Variants in CSMD1 observed in about 807,000 individuals in gnomAD.
CSMD1 encodes CUB and Sushi multiple domains 1, also known as CUB and sushi domain-containing protein 1.
In CSMD1, 213 loss-of-function variants were observed where a neutral mutation model predicts 417.5. The ratio of observed to expected loss-of-function variants is 0.51; its 90% confidence interval spans 0.46 to 0.57. The LOEUF is 0.57. Among genes scored for constraint, CSMD1 ranks in the 20% least tolerant of loss-of-function variants. The pLI, the probability that CSMD1 is intolerant of heterozygous loss-of-function variation, is 0.00. For missense variants in CSMD1, 6,923 were observed against 4,529.7 expected (o/e 1.53, Z -15.17); for synonymous variants, 2,862 against 1,736.8 (o/e 1.65, Z -16.11).
chr8:3,490,566 A>T (rs117098586), intron 11 of CSMD1, among the ~76,000 whole-genome samples: 2 of 152,174 alleles, frequency 1.3e-5, no homozygotes, highest in Non-Finnish European at 2.9e-5. Flanking sequence ...GAGTGTTTGC[A>T]TGCATTATTT....
At chr8:3,296,223 G>C (rs755285768) in intron 25 of CSMD1, among the ~76,000 whole-genome samples, 3 of 151,914 alleles carry the variant, frequency 2.0e-5, no homozygotes, top group Admixed American at 6.6e-5. Flanking sequence ...GCAGATTTTG[G>C]TGCAGCCTTG....
At chr8:4,805,187 G>C (rs75839198) in intron 1 of CSMD1, among the ~76,000 whole-genome samples, 3 of 152,166 alleles carry the variant, frequency 2.0e-5, no homozygotes, top group African/African-American at 7.2e-5. Context: ...TTTGTATAGA[G>C]AGATAATATC....
chr8:4,111,824 G>C (rs964118384), intron 3 of CSMD1, among the ~76,000 whole-genome samples: 4 of 152,132 alleles, frequency 2.6e-5, no homozygotes, highest in African/African-American at 9.7e-5. Context: ...TATGGGGCTT[G>C]AATCCTAGGT....
intron 52 of CSMD1, among the ~76,000 whole-genome samples, chr8:3,009,636 A>G (rs1345224217): frequency 6.6e-6 from 1 of 152,222 alleles, no homozygotes; most frequent in East Asian, 1.9e-4. Flanking sequence ...TTGAATATTG[A>G]TAACTGAGGT....
At chr8:4,140,805 G>A (rs36077441) in intron 3 of CSMD1, among the ~76,000 whole-genome samples, 45,212 of 150,422 alleles carry the variant, frequency 0.3, 8,445 homozygotes, top group Non-Finnish European at 0.39. Flanking sequence ...TTTTCTAAGC[G>A]TGTAAATGGG....
chr8:4,736,359 G>C (rs1050386244), intron 1 of CSMD1, among the ~76,000 whole-genome samples: 2 of 152,144 alleles, frequency 1.3e-5, no homozygotes, highest in Non-Finnish European at 2.9e-5. Context: ...AGATCACAAT[G>C]GTTGGAGGTG....
intron 2 of CSMD1, among the ~76,000 whole-genome samples, chr8:4,449,555 A>G (rs1799008612): frequency 6.6e-6 from 1 of 152,170 alleles, no homozygotes; most frequent in African/African-American, 2.4e-5. Context: ...TTGGATCCCA[A>G]TGGACTCATC....
intron 2 of CSMD1, among the ~76,000 whole-genome samples, chr8:4,610,804 A>C (rs1801128138): frequency 6.6e-6 from 1 of 152,200 alleles, no homozygotes; most frequent in South Asian, 2.1e-4. Context: ...ACAAGAGTTC[A>C]GGATGGCATG....
chr8:3,753,842 A>G (rs1007574286), intron 6 of CSMD1, 88 bp downstream of exon 6: 6 of 836,636 alleles, frequency 7.2e-6, no homozygotes, highest in Non-Finnish European at 1.1e-5. Flanking sequence ...CAAGCTATTT[A>G]TCCAACTCCT....
At chr8:3,491,376 G>C (rs1041504375) in intron 11 of CSMD1, among the ~76,000 whole-genome samples, 3 of 152,160 alleles carry the variant, frequency 2.0e-5, no homozygotes, top group Non-Finnish European at 4.4e-5. Context: ...CAGGATTATA[G>C]TAAAGATCAA....
intron 7 of CSMD1, among the ~76,000 whole-genome samples, chr8:3,627,410 C>G (rs1418323196): frequency 6.6e-6 from 1 of 152,108 alleles, no homozygotes; most frequent in Non-Finnish European, 1.5e-5. Flanking sequence ...CGGCATATCA[C>G]CTCGAGTCCT....
intron 3 of CSMD1, among the ~76,000 whole-genome samples, chr8:4,196,872 G>T (rs761277580): frequency 6.6e-6 from 1 of 152,116 alleles, no homozygotes; most frequent in African/African-American, 2.4e-5. Flanking sequence ...AAAACATATA[G>T]TGAAAGTTCC....
chr8:2,951,244 C>T lies in CSMD1; in HGVS notation c.10071G>A (p.Leu3357=), dbSNP rs778526495. 15 of 1,606,578 alleles carry T rather than the reference C, an allele frequency of 9.3e-6. No individual in the cohort carries two copies. Among genetic ancestry groups the T allele is most frequent in the Middle Eastern group, 1.7e-4 (1 of 6,042 alleles). ...CTAAATATTCATAATACCCCTTCCA[C>T]AGTGAATTGACGAAAAAGACATCTG... is the stretch of plus-strand genomic sequence containing the variant. ...VPSDVFFVNS[L]WKGYYEYLGK... The change falls in exon 66 of 70, where the codon CTG becomes CTA. Residue 3357 remains leucine (L), a synonymous_variant. Coordinates refer to ENST00000635120, the MANE Select transcript of CSMD1 (RefSeq NM_033225.6).
At chr8:3,028,589 C>T (rs888682458) in intron 51 of CSMD1, among the ~76,000 whole-genome samples, 5 of 152,056 alleles carry the variant, frequency 3.3e-5, no homozygotes, top group African/African-American at 4.8e-5. Context: ...GCTTGTGGTA[C>T]GTGTTTCATT....
intron 1 of CSMD1, among the ~76,000 whole-genome samples, chr8:4,979,508 C>A (rs190977039): frequency 5.9e-5 from 9 of 152,312 alleles, no homozygotes; most frequent in African/African-American, 2.2e-4. Flanking sequence ...GAAATTATTT[C>A]TATCATAAGA....
intron 3 of CSMD1, among the ~76,000 whole-genome samples, chr8:4,263,561 G>A (rs1804033449): frequency 1.3e-5 from 2 of 152,186 alleles, no homozygotes; most frequent in South Asian, 4.1e-4. Context: ...TTCTTGGAAA[G>A]TCATAATCAA....
Position 3,173,807 on chromosome 8 carries a change from T to C in CSMD1, c.5725+7303A>G, listed in dbSNP as rs9644267. 2.3e-4 allele frequency among the ~76,000 whole-genome samples: 35 copies of C among 152,300 alleles called. No individual in the cohort carries two copies. The East Asian group carries it at 4.3e-3, about 19-fold the overall frequency. ...TAAGAACTCTCCTCAGTAGTGTTAATGTAATATTAAAGTGCCATTAAAGCA... is the reference window on the plus strand; with the variant it reads ...TAAGAACTCTCCTCAGTAGTGTTAACGTAATATTAAAGTGCCATTAAAGCA... On this transcript the variant is annotated intron_variant, in intron 37 of 69. Transcript: ENST00000635120.
At chr8:3,660,092 G>A (rs556125071) in intron 7 of CSMD1, among the ~76,000 whole-genome samples, 2 of 152,146 alleles carry the variant, frequency 1.3e-5, no homozygotes, top group African/African-American at 4.8e-5. Context: ...AGGTACCATC[G>A]TGATGTATGT....
chr8:3,680,750 G>C (rs535702093), intron 7 of CSMD1, among the ~76,000 whole-genome samples: 28 of 152,228 alleles, frequency 1.8e-4, no homozygotes, highest in African/African-American at 5.5e-4. Context: ...GAGAATTTTA[G>C]ACCAATATCC....
Sources: gnomAD v4.1 joint callset for allele counts (sites outside exome capture counted in the v4.1 genomes callset) on GRCh38, gnomAD v4.1.1 for gene constraint, MANE v1.5 for transcripts, NCBI Gene and HGNC (gene_info 2026-07-23, HGNC 2026-07-21) for gene names.